The following HMSD variants were observed in gnomAD, a reference collection of about 807,000 sequenced individuals.
HMSD encodes histocompatibility minor serpin domain containing.
In HMSD, 13 loss-of-function variants were observed where a neutral mutation model predicts 10.0. The ratio of observed to expected loss-of-function variants is 1.31; its 90% confidence interval spans 0.85 to 2.08. HMSD has a LOEUF of 2.08. Among genes scored for constraint, HMSD ranks in the 30% most tolerant of loss-of-function variants. HMSD has a pLI of 0.00. For synonymous variants in HMSD, 51 were observed against 54.2 expected, an observed-to-expected ratio of 0.94 and a Z score of 0.26; for missense variants, 169 against 166.3, an observed-to-expected ratio of 1.02 and a Z score of -0.09.
chr18:63,951,685 G>A (rs553752136), intron 1 of HMSD, among the ~76,000 whole-genome samples: 4 of 152,314 alleles, frequency 2.6e-5, no homozygotes, highest in South Asian at 4.1e-4. Flanking sequence ...GCTTAGCAGC[G>A]AATACTATTT....
chr18:63,967,061 G>A (rs1385193093), intron 3 of HMSD, among the ~76,000 whole-genome samples: 1 of 152,164 alleles, frequency 6.6e-6, no homozygotes, highest in African/African-American at 2.4e-5. Flanking sequence ...AGCTGTGGCC[G>A]GGCATATATG....
At chr18:63,963,109 CTTTCTTTCTTTCTTTCTT>C (rs1457319268), downstream of HMSD, among the ~76,000 whole-genome samples, 1 of 132,906 alleles carries the variant, frequency 7.5e-6, no homozygotes, top group Admixed American at 7.3e-5. Context: ...TTCTTTCTTT[CTTTCTTTCTTTCTTTCTT>C]TCTTTCCTTT....
intron 1 of HMSD, among the ~76,000 whole-genome samples, chr18:63,951,737 CG>C (rs759697027): frequency 6.6e-6 from 1 of 152,038 alleles, no homozygotes; most frequent in Non-Finnish European, 1.5e-5. Context: ...AAGTGAAGTA[CG>C]GTAAGTGATA....
In HMSD at chr18:63,960,582, C is replaced by A. The variant is rs2050381264; in HGVS notation, c.*227C>A. The A allele has an allele frequency of 3.9e-6, 2 of 509,030 alleles. No individual in the cohort carries two copies. Among genetic ancestry groups the A allele is most frequent in the East Asian group, 5.9e-5 (1 of 17,092 alleles). 31.5% of individuals were successfully genotyped at this position (509,030 alleles called of 1,614,324 possible). ...TTTGAATTTAAAAATTTCTAGCTGT[C>A]TCCCTCACTGGTATTGCCATACTGT... On this transcript the variant is annotated 3_prime_UTR_variant, in exon 4 of 4. Coordinates refer to ENST00000408945, the MANE Select transcript of HMSD (RefSeq NM_001123366.2).
At chr18:63,954,686 C>T (rs1007533081) in intron 3 of HMSD, 129 bp downstream of exon 3, 2 of 714,686 alleles carry the variant, frequency 2.8e-6, no homozygotes, top group African/African-American at 1.8e-5. Flanking sequence ...TCACACGCAT[C>T]TTGTGATTCA....
At chr18:63,968,381 C>G (rs1366004518) in intron 3 of HMSD, 1 of 152,286 alleles carries the variant, frequency 6.6e-6, no homozygotes, top group Non-Finnish European at 1.5e-5. Flanking sequence ...GTCCACATGG[C>G]CTTCACGACA....
chr18:63,953,593 A>C, intron 2 of HMSD, 66 bp downstream of exon 2: 1 of 1,307,140 alleles, frequency 7.7e-7, no homozygotes. Context: ...GGACTTCTGC[A>C]TTTCAAGTCT....
In HMSD at chr18:63,952,555, A is replaced by G. The variant is rs1282621062; in HGVS notation, c.-102-799A>G. On this transcript the variant is annotated intron_variant, in intron 1 of 3. Coordinates refer to ENST00000408945, the MANE Select transcript of HMSD (RefSeq NM_001123366.2). ...ACTTAATATTGTATTTTCTCATGGC[A>G]TGACTGTAATTTTTAATATCTCCAT... Among the ~76,000 whole-genome samples, 6 of 152,278 alleles carry G rather than the reference A, an allele frequency of 3.9e-5. No homozygotes were observed. In the East Asian group the frequency reaches 1.2e-3, roughly 29 times the overall value.
Position 63,960,604 on chromosome 18 carries a change from C to T in HMSD, c.*249C>T, listed in dbSNP as rs2050381359. The stretch of plus-strand genomic sequence containing the variant: ...TGTCTCCCTCACTGGTATTGCCATA[C>T]TGTATGGTTTACAGGCTTGAAATGC... On this transcript the variant is annotated 3_prime_UTR_variant, in exon 4 of 4. Transcript: ENST00000408945. 1.7e-5 allele frequency: 7 copies of T among 407,616 alleles called. No individual in the cohort carries two copies. The Middle Eastern group carries it at 3.3e-3, about 195-fold the overall frequency. 25.2% of individuals were successfully genotyped at this position (407,616 alleles called of 1,614,324 possible). A position where few individuals can be genotyped will look rare whatever the true frequency, so the allele number is the denominator to read the frequency against.
At chr18:63,963,062 CTTTT>C (rs2050393214), downstream of HMSD, among the ~76,000 whole-genome samples, 1 of 125,262 alleles carries the variant, frequency 8.0e-6, no homozygotes, top group Non-Finnish European at 1.6e-5. Flanking sequence ...TTCTTTCTTT[CTTTT>C]CTTTCTCTTT....
At chr18:63,965,536 C>T (rs879399557), downstream of HMSD, among the ~76,000 whole-genome samples, 1 of 152,182 alleles carries the variant, frequency 6.6e-6, no homozygotes. Context: ...ATATCAGGAG[C>T]CTTTTTTTCT....
chr18:63,953,583 G>C, intron 2 of HMSD, 56 bp downstream of exon 2: 25 of 1,381,330 alleles, frequency 1.8e-5, no homozygotes, highest in Non-Finnish European at 2.6e-5. Context: ...CAGTTGAGCT[G>C]GACTTCTGCA....
chr18:63,963,939 C>T (rs1259670648), downstream of HMSD, among the ~76,000 whole-genome samples: 2 of 152,228 alleles, frequency 1.3e-5, no homozygotes, highest in Non-Finnish European at 2.9e-5. Context: ...TCATCTGTAG[C>T]CACATTCTCA....
At chr18:63,967,436 G>A (rs773220397) in intron 3 of HMSD, among the ~76,000 whole-genome samples, 8 of 152,140 alleles carry the variant, frequency 5.3e-5, no homozygotes, top group South Asian at 2.1e-4. Flanking sequence ...GCCCTGCCCC[G>A]TGAGATTCTT....
chr18:63,969,002 T>C (rs1386017518), intron 3 of HMSD, among the ~76,000 whole-genome samples: 1 of 152,176 alleles, frequency 6.6e-6, no homozygotes, highest in Non-Finnish European at 1.5e-5. Context: ...ACTTAATTGG[T>C]TTGGGGTGCA....
chr18:63,958,431 A>G (rs144761324), intron 3 of HMSD, among the ~76,000 whole-genome samples: 37 of 152,306 alleles, frequency 2.4e-4, no homozygotes, highest in Non-Finnish European at 5.0e-4. Flanking sequence ...AAGGGAAATT[A>G]AATATTTAGC....
At chr18:63,963,115 TTCTTTC>T (rs1403897114), downstream of HMSD, among the ~76,000 whole-genome samples, 21 of 139,760 alleles carry the variant, frequency 1.5e-4, no homozygotes, top group Non-Finnish European at 2.4e-4. Context: ...CTTTCTTTCT[TTCTTTC>T]TTTCTTTCTT....
At chr18:63,963,083 TTCTTTC>T (rs2050394217), downstream of HMSD, among the ~76,000 whole-genome samples, 1 of 47,970 alleles carries the variant, frequency 2.1e-5, no homozygotes, top group South Asian at 5.7e-4. Flanking sequence ...CTTTCTTTCT[TTCTTTC>T]TTTCTTTCTT....
intron 1 of HMSD, among the ~76,000 whole-genome samples, chr18:63,953,015 T>A (rs760041637): frequency 5.3e-5 from 8 of 152,334 alleles, no homozygotes; most frequent in Non-Finnish European, 1.2e-4. Flanking sequence ...TAAGTCCTTA[T>A]ACCATGGTGA....
Sources: gnomAD v4.1 joint callset for allele counts (sites outside exome capture counted in the v4.1 genomes callset) on GRCh38, gnomAD v4.1.1 for gene constraint, MANE v1.5 for transcripts, NCBI Gene and HGNC (gene_info 2026-07-23, HGNC 2026-07-21) for gene names.